PHACTR1: variants seen among roughly 807,000 people sequenced by gnomAD.
The protein encoded by PHACTR1 is RPEL repeat containing 1.
Under a neutral mutation model 69.2 loss-of-function variants are expected in PHACTR1, and 16 were observed. The observed-to-expected ratio is 0.23, with a 90% CI of 0.16 to 0.35. PHACTR1 has a LOEUF of 0.35. Among genes scored for constraint, PHACTR1 ranks in the 10% least tolerant of loss-of-function variants. PHACTR1 has a pLI of 1.00. For missense variants in PHACTR1, 510 were observed against 734.7 expected (o/e 0.69, Z 3.54); for synonymous variants, 312 against 284.5 (o/e 1.10, Z -0.97).
chr6:13,283,306 G>T lies in PHACTR1; in HGVS notation c.1510-116G>T. 1 of 1,066,344 alleles carries T rather than the reference G, an allele frequency of 9.4e-7. No homozygotes were observed. The highest frequency in any genetic ancestry group is 1.4e-5 in the South Asian group (1 of 71,492). 66.1% of individuals were successfully genotyped at this position (1,066,344 alleles called of 1,614,324 possible). ...TGCCCCTGCCCCTCACTCACTATGC[G>T]ATGCATCCATCGCCTCACTGAACCT... is the stretch of plus-strand genomic sequence containing the variant. On this transcript the variant is annotated intron_variant, in intron 12 of 14. Coordinates refer to ENST00000332995, the MANE Select transcript of PHACTR1 (RefSeq NM_030948.6). The surrounding 1 kb of genome is among the most constrained non-coding windows in gnomAD (Gnocchi z 4.7).
chr6:13,176,785 A>G (rs919659356), intron 6 of PHACTR1, among the ~76,000 whole-genome samples: 2 of 152,166 alleles, frequency 1.3e-5, no homozygotes, highest in Non-Finnish European at 2.9e-5. Flanking sequence ...TTCAATATAT[A>G]GATATAAAGC....
At chr6:13,205,775 C>T in intron 7 of PHACTR1, 40 bp from the exon 8 acceptor site, 1 of 1,532,768 alleles carries the variant, frequency 6.5e-7, no homozygotes, top group East Asian at 2.3e-5. Flanking sequence ...TTCTGATGCC[C>T]CCAAACTCAC....
intron 4 of PHACTR1, among the ~76,000 whole-genome samples, chr6:12,925,255 G>A (rs1788147263): frequency 1.3e-5 from 2 of 152,158 alleles, no homozygotes; most frequent in African/African-American, 4.8e-5. Context: ...ATTCAACATG[G>A]TTATGTTGTG....
At chr6:13,084,290 G>A (rs992767073) in intron 5 of PHACTR1, among the ~76,000 whole-genome samples, 11 of 147,120 alleles carry the variant, frequency 7.5e-5, no homozygotes, top group Admixed American at 1.4e-4. Flanking sequence ...AACCAACACC[G>A]CATGTTCTCA....
intron 5 of PHACTR1, among the ~76,000 whole-genome samples, chr6:13,113,906 C>G (rs1156838061): frequency 2.6e-5 from 4 of 152,100 alleles, no homozygotes; most frequent in Non-Finnish European, 5.9e-5. Context: ...GCAAGGTAAC[C>G]TGCAAGTATC....
chr6:12,883,430 G>A (rs774419838), intron 4 of PHACTR1, among the ~76,000 whole-genome samples: 15 of 151,938 alleles, frequency 9.9e-5, no homozygotes, highest in Non-Finnish European at 1.5e-5. Flanking sequence ...TGCCAGGCAG[G>A]TCTCGAACTC....
chr6:13,090,564 C>T (rs953745761), intron 5 of PHACTR1, among the ~76,000 whole-genome samples: 2 of 151,722 alleles, frequency 1.3e-5, no homozygotes, highest in Admixed American at 6.6e-5. Context: ...ACCTCTTGAT[C>T]CACCTACCTC....
At chr6:12,864,494 C>CGT (rs1781255388) in intron 4 of PHACTR1, among the ~76,000 whole-genome samples, 4 of 152,132 alleles carry the variant, frequency 2.6e-5, no homozygotes, top group Admixed American at 2.6e-4. Flanking sequence ...TCCTGGCTAA[C>CGT]ACGCTGAAAC....
intron 4 of PHACTR1, among the ~76,000 whole-genome samples, chr6:12,928,255 G>A (rs1788482489): frequency 6.6e-6 from 1 of 152,172 alleles, no homozygotes; most frequent in Non-Finnish European, 1.5e-5. Context: ...CATGGGAGAA[G>A]GGCAAGATCT....
chr6:12,965,203 A>G (rs148601480), intron 4 of PHACTR1, among the ~76,000 whole-genome samples: 5 of 152,210 alleles, frequency 3.3e-5, no homozygotes, highest in Non-Finnish European at 5.9e-5. Context: ...GAACCCCCCC[A>G]TGGATTGAAC....
intron 4 of PHACTR1, among the ~76,000 whole-genome samples, chr6:12,843,565 A>C (rs1778910480): frequency 6.6e-6 from 1 of 152,224 alleles, no homozygotes; most frequent in Non-Finnish European, 1.5e-5. Flanking sequence ...GTTGCTTGAA[A>C]ACCATTGATT....
chr6:12,868,078 G>A (rs115335948), intron 4 of PHACTR1, among the ~76,000 whole-genome samples: 1,967 of 152,124 alleles, frequency 0.013, 36 homozygotes, highest in African/African-American at 0.045. Flanking sequence ...GCCAAATGGC[G>A]AAATCCCATC....
chr6:12,871,962 T>C (rs1782074257), intron 4 of PHACTR1, among the ~76,000 whole-genome samples: 1 of 149,410 alleles, frequency 6.7e-6, no homozygotes, highest in African/African-American at 2.4e-5. Flanking sequence ...ATTTTTTTTT[T>C]CCTTTTATCT....
chr6:13,132,725 T>C (rs2127971414), intron 5 of PHACTR1, among the ~76,000 whole-genome samples: 1 of 106,378 alleles, frequency 9.4e-6, no homozygotes, highest in African/African-American at 3.0e-5. Context: ...AAATACCGTA[T>C]TGCTAAAAAA....
intron 5 of PHACTR1, among the ~76,000 whole-genome samples, chr6:13,136,164 A>AGTATTCTATAAAATGAAC (rs1821516494): frequency 6.6e-6 from 1 of 152,068 alleles, no homozygotes; most frequent in East Asian, 1.9e-4. Flanking sequence ...TTGACCCAAA[A>AGTATTCTATAAAATGAAC]GTATTCTATA....
At chr6:13,282,962 C>T (rs1230785786) in intron 12 of PHACTR1, among the ~76,000 whole-genome samples, 2 of 152,048 alleles carry the variant, frequency 1.3e-5, no homozygotes, top group Admixed American at 1.3e-4. Context: ...CTTTGAAGTC[C>T]TAATCTTTAT....
At chr6:12,849,548 A>T (rs940105874) in intron 4 of PHACTR1, among the ~76,000 whole-genome samples, 2 of 152,232 alleles carry the variant, frequency 1.3e-5, no homozygotes, top group African/African-American at 4.8e-5. Context: ...TAGGTCAGAC[A>T]GCCTGGGGCT....
In PHACTR1 at chr6:12,842,685, G is replaced by C. The variant is rs145220261; in HGVS notation, c.250+92895G>C. Among the ~76,000 whole-genome samples, 402 of 151,716 alleles carry C rather than the reference G, an allele frequency of 2.6e-3. 2 individuals carry two copies. The highest frequency in any genetic ancestry group is 8.1e-3 in the African/African-American group (336 of 41,300). ...GCCCCCTGAGTAGCTGGGACTGTAG[G>C]CAAGTACTATCATGCCCAGCTGATT... is the stretch of plus-strand genomic sequence containing the variant. On this transcript the variant is annotated intron_variant, in intron 4 of 14. Transcript: ENST00000332995.
chr6:13,031,633 T>C (rs996195083), intron 4 of PHACTR1, among the ~76,000 whole-genome samples: 1 of 152,234 alleles, frequency 6.6e-6, no homozygotes, highest in African/African-American at 2.4e-5. Context: ...GAGGGGGGTA[T>C]TGTTCTACCT....
Sources: gnomAD v4.1 joint callset for allele counts (sites outside exome capture counted in the v4.1 genomes callset) on GRCh38, gnomAD v4.1.1 for gene constraint, Gnocchi (gnomAD v3.1) non-coding constraint, MANE v1.5 for transcripts, NCBI Gene and HGNC (gene_info 2026-07-23, HGNC 2026-07-21) for gene names.